GDPD1: variants seen among roughly 807,000 people sequenced by gnomAD.
The protein encoded by GDPD1 is glycerophosphodiester phosphodiesterase domain containing 1, also known as lysophospholipase D GDPD1.
In GDPD1, 28 loss-of-function variants were observed where a neutral mutation model predicts 45.1. The observed-to-expected ratio is 0.62, with a 90% confidence interval of 0.46 to 0.85. The LOEUF is 0.85. Among genes scored for constraint, GDPD1 ranks in the 40% least tolerant of loss-of-function variants. GDPD1 has a pLI of 0.00. For missense variants in GDPD1, 256 were observed against 364.8 expected (o/e 0.70, Z 2.43); for synonymous variants, 139 against 131.4 (o/e 1.06, Z -0.40).
At chr17:59,233,656 A>G (rs138315350) in intron 1 of GDPD1, among the ~76,000 whole-genome samples, 42 of 152,246 alleles carry the variant, frequency 2.8e-4, no homozygotes, top group African/African-American at 9.6e-4. Flanking sequence ...TACCCTGAAC[A>G]TTATTTTTTC....
chr17:59,268,454 C>T (rs956133628), intron 7 of GDPD1, among the ~76,000 whole-genome samples: 9 of 151,576 alleles, frequency 5.9e-5, no homozygotes, highest in Non-Finnish European at 1.3e-4. Flanking sequence ...TGGCGGGCGC[C>T]TGTAGTCCCA....
intron 4 of GDPD1, among the ~76,000 whole-genome samples, chr17:59,255,457 A>G (rs895684832): frequency 2.4e-4 from 36 of 150,952 alleles, no homozygotes; most frequent in Admixed American, 2.3e-3. Context: ...AAAATAAACA[A>G]TAGGCCGGGC....
At chr17:59,240,597 T>C (rs2047168699) in intron 2 of GDPD1, among the ~76,000 whole-genome samples, 1 of 151,886 alleles carries the variant, frequency 6.6e-6, no homozygotes, top group Non-Finnish European at 1.5e-5. Context: ...GCATCCCAAG[T>C]CACTAGAACT....
At chr17:59,256,435 T>A (rs1400852260) in intron 4 of GDPD1, among the ~76,000 whole-genome samples, 2 of 152,236 alleles carry the variant, frequency 1.3e-5, no homozygotes, top group East Asian at 1.9e-4. Flanking sequence ...TTTCTTTGAA[T>A]AACTGCATTC....
chr17:59,242,613 A>G (rs1017827913), intron 2 of GDPD1, among the ~76,000 whole-genome samples: 9 of 152,224 alleles, frequency 5.9e-5, no homozygotes, highest in African/African-American at 2.2e-4. Context: ...ATAAAATCAT[A>G]TGATTGATGC....
At chr17:59,264,017 G>C (rs866653762) in intron 6 of GDPD1, among the ~76,000 whole-genome samples, 5 of 151,802 alleles carry the variant, frequency 3.3e-5, no homozygotes, top group Non-Finnish European at 4.4e-5. Flanking sequence ...TTTATGTTTT[G>C]AGACAGAATG....
At chr17:59,258,633 T>C (rs1231868005) in intron 6 of GDPD1, among the ~76,000 whole-genome samples, 1 of 152,132 alleles carries the variant, frequency 6.6e-6, no homozygotes, top group Non-Finnish European at 1.5e-5. Flanking sequence ...AAGTTTAATA[T>C]AGTAGAGATA....
At chr17:59,234,387 CAAAA>C in intron 1 of GDPD1, 101 bp from the exon 2 acceptor site, 3 of 565,952 alleles carry the variant, frequency 5.3e-6, no homozygotes, top group South Asian at 2.3e-5. Context: ...TGTCTACCCC[CAAAA>C]AAAAAAAAAA....
chr17:59,244,266 G>A (rs983307489), intron 2 of GDPD1, among the ~76,000 whole-genome samples: 2 of 152,146 alleles, frequency 1.3e-5, no homozygotes, highest in South Asian at 2.1e-4. Flanking sequence ...GTAGCCTGCC[G>A]CTACTTGGGA....
intron 1 of GDPD1, among the ~76,000 whole-genome samples, chr17:59,232,419 C>G (rs1597965282): frequency 6.7e-6 from 1 of 149,814 alleles, no homozygotes; most frequent in African/African-American, 2.5e-5. Flanking sequence ...CACTGCACTC[C>G]AGACTGGGTG....
chr17:59,231,999 A>C (rs1293443827), intron 1 of GDPD1, among the ~76,000 whole-genome samples: 1 of 152,162 alleles, frequency 6.6e-6, no homozygotes, highest in Non-Finnish European at 1.5e-5. Context: ...AAATCAGTGA[A>C]TAAAGATAAA....
chr17:59,244,860 G>A (rs2047199092), intron 2 of GDPD1, among the ~76,000 whole-genome samples: 1 of 151,652 alleles, frequency 6.6e-6, no homozygotes, highest in South Asian at 2.1e-4. Context: ...GCTGGGCACA[G>A]TGGCATCCAT....
intron 7 of GDPD1, among the ~76,000 whole-genome samples, chr17:59,268,471 C>T (rs1278434191): frequency 6.7e-6 from 1 of 148,698 alleles, no homozygotes; most frequent in Non-Finnish European, 1.5e-5. Context: ...CCCAGCTACT[C>T]CGGAGGCTGA....
At chr17:59,228,119 C>T (rs2047061076) in intron 1 of GDPD1, among the ~76,000 whole-genome samples, 3 of 143,652 alleles carry the variant, frequency 2.1e-5, no homozygotes, top group Non-Finnish European at 4.5e-5. Context: ...TTGCAGTGAG[C>T]CGAGATTGTG....
At chr17:59,239,799 GTT>G (rs79052817) in intron 2 of GDPD1, among the ~76,000 whole-genome samples, 6 of 137,832 alleles carry the variant, frequency 4.4e-5, no homozygotes, top group Non-Finnish European at 4.7e-5. Flanking sequence ...AGGACACACT[GTT>G]TTTTTTTTTT....
Position 59,234,597 on chromosome 17 carries a change from GTGA to G in GDPD1, c.185+71_185+73del, listed in dbSNP as rs1477335191. 17 of 1,039,936 alleles carry G rather than the reference GTGA, an allele frequency of 1.6e-5. No individual in the cohort carries two copies. In the East Asian group the frequency reaches 4.0e-4, roughly 25 times the overall value. 64.4% of individuals were successfully genotyped at this position (1,039,936 alleles called of 1,614,324 possible). Reference sequence around the variant, plus strand: ...TTACAGTTTGCAGGCTTTCTTTAAAGTGATGATGATCCACAAAGTGAGGATAGT... The same window carrying G: ...TTACAGTTTGCAGGCTTTCTTTAAAGTGATGATCCACAAAGTGAGGATAGT... On this transcript the variant is annotated intron_variant, in intron 2 of 9. Transcript: ENST00000284116.
chr17:59,248,819 G>T, intron 4 of GDPD1, 34 bp downstream of exon 4: 1 of 1,489,108 alleles, frequency 6.7e-7, no homozygotes, highest in Non-Finnish European at 9.3e-7. Context: ...AAACATTTGT[G>T]TTGAGAAGCA....
intron 2 of GDPD1, among the ~76,000 whole-genome samples, chr17:59,241,889 C>T (rs919388943): frequency 6.6e-6 from 1 of 151,946 alleles, no homozygotes; most frequent in Non-Finnish European, 1.5e-5. Flanking sequence ...GATTGTGCCA[C>T]TCCTCTTTAG....
At chr17:59,241,951 C>T (rs1449347109) in intron 2 of GDPD1, among the ~76,000 whole-genome samples, 1 of 152,006 alleles carries the variant, frequency 6.6e-6, no homozygotes, top group Non-Finnish European at 1.5e-5. Context: ...TAAAAGGATG[C>T]TCAGTGTTTA....
Sources: allele counts gnomAD v4.1 joint callset (sites outside exome capture counted in the v4.1 genomes callset), GRCh38; gene constraint gnomAD v4.1.1; transcripts MANE v1.5; gene names NCBI Gene and HGNC (gene_info 2026-07-23, HGNC 2026-07-21).